The following RABGAP1L variants were observed in gnomAD, a reference collection of about 807,000 sequenced individuals.
The protein encoded by RABGAP1L is rab GTPase-activating protein 1-like.
Under a neutral mutation model 137.7 loss-of-function variants are expected in RABGAP1L, and 63 were observed. The observed-to-expected ratio is 0.46, with a 90% CI of 0.37 to 0.56. The LOEUF (loss-of-function observed/expected upper bound fraction) is 0.56, where lower values mean the gene tolerates loss of function less well. RABGAP1L is among the 20% of genes least tolerant of loss of function. The probability of loss-of-function intolerance (pLI) is 0.00; values close to 1 mark genes in which losing one functional copy is unlikely to be tolerated. For missense variants in RABGAP1L, 1,095 were observed against 1,244.0 expected (o/e 0.88, Z 1.80); for synonymous variants, 431 against 433.7 (o/e 0.99, Z 0.08).
chr1:174,551,750 A>G lies in RABGAP1L; in HGVS notation c.1711-85625A>G, dbSNP rs144961155. ...AGAGAAAAACCATGAAACAAAAGCTATTTTTGGAAAAAAAAATTAATAAAA... is the reference window on the plus strand; with the variant it reads ...AGAGAAAAACCATGAAACAAAAGCTGTTTTTGGAAAAAAAAATTAATAAAA... On this transcript the variant is annotated intron_variant, in intron 13 of 25. Transcript: ENST00000681986. 4.5e-3 allele frequency among the ~76,000 whole-genome samples: 573 copies of G among 126,360 alleles called. 5 individuals carry two copies. The highest frequency in any genetic ancestry group is 0.02 in the African/African-American group (486 of 24,334). 82.9% of individuals were successfully genotyped at this position (126,360 alleles called of 152,430 possible).
At position 174,849,172 on chromosome 1, in the gene RABGAP1L, A is replaced by C. The variant is rs560028670; in HGVS notation, c.2340+37212A>C. 3.9e-5 allele frequency among the ~76,000 whole-genome samples: 6 copies of C among 152,226 alleles called. No individual in the cohort carries two copies. In the South Asian group the frequency reaches 6.2e-4, roughly 16 times the overall value. On this transcript the variant is annotated intron_variant, in intron 19 of 25. Coordinates refer to ENST00000681986, the MANE Select transcript of RABGAP1L (RefSeq NM_001366446.1). ...AACCCGGTACCTCAGATGGAAATGC[A>C]GAAATCACCCGTCTTCTGCGTGGCT...
chr1:174,231,095 T>C, intron 3 of RABGAP1L, 50 bp from the exon 4 acceptor site: 1 of 1,358,426 alleles, frequency 7.4e-7, no homozygotes, highest in Non-Finnish European at 1.0e-6. Flanking sequence ...ATTATAATGA[T>C]GGTGGAGTTT....
At chr1:174,577,875 G>A (rs1668489913) in intron 13 of RABGAP1L, among the ~76,000 whole-genome samples, 2 of 152,240 alleles carry the variant, frequency 1.3e-5, no homozygotes, top group Admixed American at 6.5e-5. Flanking sequence ...AGTTACAAAT[G>A]GGCTTATAAA....
At chr1:174,474,591 T>A (rs908090097) in intron 13 of RABGAP1L, among the ~76,000 whole-genome samples, 5 of 152,050 alleles carry the variant, frequency 3.3e-5, no homozygotes, top group African/African-American at 7.2e-5. Flanking sequence ...CTGATGATGA[T>A]GATGATTATT....
chr1:174,322,400 A>G (rs1048468079), intron 11 of RABGAP1L, among the ~76,000 whole-genome samples: 4 of 152,178 alleles, frequency 2.6e-5, no homozygotes, highest in Admixed American at 1.3e-4. Flanking sequence ...CTGTCTGGGC[A>G]TGTAGTCACC....
At chr1:174,535,424 C>G (rs1270525416) in intron 13 of RABGAP1L, among the ~76,000 whole-genome samples, 2 of 152,104 alleles carry the variant, frequency 1.3e-5, no homozygotes, top group African/African-American at 4.8e-5. Context: ...AGCCAGCAAG[C>G]AAAGATGCCC....
chr1:174,432,165 T>C (rs1652715199), intron 13 of RABGAP1L, among the ~76,000 whole-genome samples: 1 of 152,190 alleles, frequency 6.6e-6, no homozygotes, highest in Non-Finnish European at 1.5e-5. Flanking sequence ...TTTATGTCCA[T>C]GAGTACCCAA....
chr1:174,572,253 CTTG>C (rs2148053481), intron 13 of RABGAP1L, among the ~76,000 whole-genome samples: 1 of 152,284 alleles, frequency 6.6e-6, no homozygotes, highest in East Asian at 1.9e-4. Context: ...AGCTCACCAT[CTTG>C]TTGAGAAGAC....
chr1:174,913,908 C>A (rs1660442944), intron 19 of RABGAP1L, among the ~76,000 whole-genome samples: 1 of 152,156 alleles, frequency 6.6e-6, no homozygotes, highest in Admixed American at 6.5e-5. Context: ...CTTTGAGGAA[C>A]ACTCTTTAAA....
At chr1:174,257,526 T>C (rs1484253560) in intron 7 of RABGAP1L, among the ~76,000 whole-genome samples, 2 of 152,218 alleles carry the variant, frequency 1.3e-5, no homozygotes, top group Non-Finnish European at 2.9e-5. Flanking sequence ...ATGTTACTTT[T>C]TGCCCACCCT....
chr1:174,569,611 T>G (rs1340122304), intron 13 of RABGAP1L, among the ~76,000 whole-genome samples: 1 of 152,194 alleles, frequency 6.6e-6, no homozygotes, highest in Non-Finnish European at 1.5e-5. Flanking sequence ...GTGTATACTC[T>G]TTACCTTGGC....
intron 7 of RABGAP1L, among the ~76,000 whole-genome samples, chr1:174,267,772 T>G (rs1312792254): frequency 6.6e-6 from 1 of 152,202 alleles, no homozygotes; most frequent in Non-Finnish European, 1.5e-5. Context: ...AAACAATAGT[T>G]TTACTTTTTA....
chr1:174,860,175 A>C (rs1650050778), intron 19 of RABGAP1L, among the ~76,000 whole-genome samples: 1 of 152,100 alleles, frequency 6.6e-6, no homozygotes, highest in African/African-American at 2.4e-5. Flanking sequence ...CTCAGTGTGG[A>C]CTTTACGAAA....
chr1:174,795,239 C>A (rs761157106), intron 18 of RABGAP1L, among the ~76,000 whole-genome samples: 1 of 152,014 alleles, frequency 6.6e-6, no homozygotes, highest in Non-Finnish European at 1.5e-5. Flanking sequence ...GAGGTAAAGG[C>A]GATTAAGGAA....
At chr1:174,430,853 T>TA (rs1379334667) in intron 13 of RABGAP1L, among the ~76,000 whole-genome samples, 1 of 152,194 alleles carries the variant, frequency 6.6e-6, no homozygotes, top group African/African-American at 2.4e-5. Context: ...AGACATCTCA[T>TA]AAAGACAAGA....
chr1:174,319,188 A>G (rs1679709023), intron 11 of RABGAP1L, among the ~76,000 whole-genome samples: 1 of 152,174 alleles, frequency 6.6e-6, no homozygotes, highest in East Asian at 1.9e-4. Context: ...TGTAAGACAG[A>G]TCTGGTGACA....
At chr1:174,510,241 A>G (rs970314590) in intron 13 of RABGAP1L, among the ~76,000 whole-genome samples, 4 of 152,238 alleles carry the variant, frequency 2.6e-5, no homozygotes, top group African/African-American at 7.2e-5. Flanking sequence ...CAGATACGTT[A>G]TGTTATTTTC....
At chr1:174,664,726 TCTG>T (rs1676628680) in intron 14 of RABGAP1L, among the ~76,000 whole-genome samples, 5 of 135,194 alleles carry the variant, frequency 3.7e-5, no homozygotes, top group African/African-American at 1.2e-4. Context: ...TTTCTTTCTT[TCTG>T]CTTTCTTTTT....
At chr1:174,535,120 G>A (rs12093966) in intron 13 of RABGAP1L, among the ~76,000 whole-genome samples, 53,699 of 152,012 alleles carry the variant, frequency 0.35, 12,137 homozygotes, top group African/African-American at 0.64. Context: ...TTGTTTTCTT[G>A]ATCTGTTGCA....
Sources: gnomAD v4.1 joint callset for allele counts (sites outside exome capture counted in the v4.1 genomes callset) on GRCh38, gnomAD v4.1.1 for gene constraint, MANE v1.5 for transcripts, NCBI Gene and HGNC (gene_info 2026-07-23, HGNC 2026-07-21) for gene names.